EIF2D: variants seen among roughly 807,000 people sequenced by gnomAD.
EIF2D encodes the protein eukaryotic translation initiation factor 2D.
A neutral mutation model predicts 77.4 loss-of-function variants in EIF2D; 56 were observed. The observed-to-expected ratio is 0.72, with a 90% CI of 0.58 to 0.90. The LOEUF is 0.90. Ranked by LOEUF, EIF2D falls within the 40% of genes least tolerant of loss-of-function variation. The pLI is 0.00. For synonymous variants in EIF2D, 230 were observed against 271.0 expected, an observed-to-expected ratio of 0.85 and a Z score of 1.49; for missense variants, 574 against 706.5, an observed-to-expected ratio of 0.81 and a Z score of 2.13.
chr1:206,607,547 C>A (rs1164839562), intron 4 of EIF2D, among the ~76,000 whole-genome samples: 2 of 152,112 alleles, frequency 1.3e-5, no homozygotes, highest in African/African-American at 4.8e-5. Flanking sequence ...TCGCTTGAAG[C>A]CAACAATCTG....
intron 4 of EIF2D, among the ~76,000 whole-genome samples, chr1:206,607,478 G>A (rs1670254372): frequency 6.6e-6 from 1 of 152,196 alleles, no homozygotes; most frequent in Non-Finnish European, 1.5e-5. Context: ...AGCATTGGAG[G>A]CTAGACGTAG....
At position 206,591,775 on chromosome 1, in the gene EIF2D, T is replaced by C. The variant is rs1553408985; in HGVS notation, c.1755A>G (p.Ter585TrpextTer19). 6.2e-7 allele frequency: 1 copy of C among 1,614,154 alleles called. No homozygotes were observed. Among genetic ancestry groups the C allele is most frequent in the Non-Finnish European group, 8.5e-7 (1 of 1,179,958 alleles). The change falls in exon 15 of 15, where the codon TGA becomes TGG. Residue 585 changes from the stop codon to tryptophan (W), a stop_lost. Coordinates refer to ENST00000271764, the MANE Select transcript of EIF2D (RefSeq NM_006893.3). ...CCACCACGTGAGACAAAAGAGTCTG[T>C]CACTTCTTCTTGCCAGGTTTGAGGG... ...EKALKPGKKK[*>W]
At chr1:206,597,415 T>G (rs782048813) in intron 11 of EIF2D, among the ~76,000 whole-genome samples, 1 of 152,164 alleles carries the variant, frequency 6.6e-6, no homozygotes, top group Non-Finnish European at 1.5e-5. Context: ...TGGGATAAAT[T>G]TGAAGATCAG....
chr1:206,606,727 C>T (rs1670219303), intron 4 of EIF2D, among the ~76,000 whole-genome samples: 1 of 152,272 alleles, frequency 6.6e-6, no homozygotes, highest in South Asian at 2.1e-4. Context: ...ATCGCTCTTT[C>T]CTTCTCTCTC....
Position 206,584,609 on chromosome 1 carries a change from C to T in EIF2D, c.139-3447G>A, listed in dbSNP as rs782460902. 1 of 1,614,126 alleles carries T rather than the reference C, an allele frequency of 6.2e-7. No individual in the cohort carries two copies. The highest frequency in any genetic ancestry group is 1.3e-5 in the African/African-American group (1 of 74,936). On this transcript the variant is annotated intron_variant and NMD_transcript_variant, in intron 2 of 5. Coordinates refer to the EIF2D transcript ENST00000472709. This position sits in a 1 kb window ranked among gnomAD's most constrained non-coding sequence, Gnocchi z 4.9. Reference sequence around the variant, plus strand: ...CACCGTCAGTGAGGTCATCCAGGGGCTGCTCAAGAAGTTCATGGTTGTGGA... The same window carrying T: ...CACCGTCAGTGAGGTCATCCAGGGGTTGCTCAAGAAGTTCATGGTTGTGGA...
At position 206,583,663 on chromosome 1, in the gene EIF2D, C is replaced by G. The variant is rs1024358773; in HGVS notation, c.139-2501G>C. Reference sequence around the variant, plus strand: ...GTGTAAACTAAGTGATTAAACGGTACGTAATGACCAAGGGCCCAGTATTGC... The same window carrying G: ...GTGTAAACTAAGTGATTAAACGGTAGGTAATGACCAAGGGCCCAGTATTGC... On this transcript the variant is annotated intron_variant and NMD_transcript_variant, in intron 2 of 5. Coordinates refer to the EIF2D transcript ENST00000472709. The G allele has an allele frequency of 2.8e-5, 11 of 393,174 alleles. No individual in the cohort carries two copies. The East Asian group carries it at 3.9e-4, about 14-fold the overall frequency. The allele number at this position is 393,174 out of a possible 1,614,324, so 24.4% of individuals were successfully genotyped here. A position where few individuals can be genotyped will look rare whatever the true frequency, so the allele number is the denominator to read the frequency against.
Position 206,599,189 on chromosome 1 carries a change from C to T in EIF2D, c.1203-97G>A. 1 of 1,215,576 alleles carries T rather than the reference C, an allele frequency of 8.2e-7. No individual in the cohort carries two copies. Among genetic ancestry groups the T allele is most frequent in the South Asian group, 1.3e-5 (1 of 74,554 alleles). 75.3% of individuals were successfully genotyped at this position (1,215,576 alleles called of 1,614,324 possible). Reference sequence around the variant, plus strand: ...CACTCCCTGCTGAGCAGGGAACTTTCCTTAGCTTTCGGCCTCTAGTTTCTT... The same window carrying T: ...CACTCCCTGCTGAGCAGGGAACTTTTCTTAGCTTTCGGCCTCTAGTTTCTT... On this transcript the variant is annotated intron_variant, in intron 10 of 14. Transcript: ENST00000271764. This position sits in a 1 kb window ranked among gnomAD's most constrained non-coding sequence, Gnocchi z 4.1.
chr1:206,585,482 C>T, intron 2 of EIF2D: 1 of 540,414 alleles, frequency 1.9e-6, no homozygotes, highest in Non-Finnish European at 3.4e-6. Flanking sequence ...CTCTGAACAC[C>T]CTGGGGTAGC....
intron 3 of EIF2D, among the ~76,000 whole-genome samples, chr1:206,608,980 AG>A (rs1670333396): frequency 1.3e-5 from 2 of 152,070 alleles, no homozygotes; most frequent in Non-Finnish European, 2.9e-5. Flanking sequence ...TGAACCTGGG[AG>A]GCAGAGGTTG....
intron 13 of EIF2D, chr1:206,594,065 G>C: frequency 3.8e-6 from 1 of 261,296 alleles, no homozygotes. Context: ...GTTTTATTTG[G>C]AGAATTCAAA....
chr1:206,570,707 C>G (rs978799228), downstream of EIF2D, among the ~76,000 whole-genome samples: 2 of 152,068 alleles, frequency 1.3e-5, no homozygotes, highest in East Asian at 3.9e-4. Flanking sequence ...CAAGGTTCAT[C>G]CACGTGATAG....
intron 12 of EIF2D, among the ~76,000 whole-genome samples, 166 bp downstream of exon 12, chr1:206,596,934 A>AC (rs11284613): frequency 0.46 from 70,413 of 151,832 alleles, 16,439 homozygotes; most frequent in South Asian, 0.54. Context: ...TGTTCCAAAG[A>AC]CCCCCCAAAT....
rs1553411038 is a variant in EIF2D, at chr1:206,600,293, T to A, written c.918A>T (p.Gln306His). The change falls in exon 8 of 15, where the codon CAA becomes CAT. Residue 306 changes from glutamine (Q) to histidine (H), a missense_variant. Physicochemically the swap from Gln to His is conservative, Grantham distance 24. Coordinates refer to ENST00000271764, the MANE Select transcript of EIF2D (RefSeq NM_006893.3). Reference sequence around the variant, plus strand: ...TGTAGCTTGACTTCTTTATGTCCAGTTGTCGTCCTTCGGGGCTGATGGCAG... The same window carrying A: ...TGTAGCTTGACTTCTTTATGTCCAGATGTCGTCCTTCGGGGCTGATGGCAG... ...HMFSCCPEGRQLDIKKSSYKK... is the reference protein window; with the variant it reads ...HMFSCCPEGRHLDIKKSSYKK... The A allele has an allele frequency of 1.2e-6, 2 of 1,614,028 alleles. No homozygotes were observed. Among genetic ancestry groups the A allele is most frequent in the East Asian group, 4.5e-5 (2 of 44,900 alleles).
chr1:206,595,474 T>C lies in EIF2D; in HGVS notation c.1509+244A>G, dbSNP rs1669600643. The C allele has an allele frequency of 2.8e-5, 9 of 326,620 alleles. 1 individual carries two copies. The South Asian group carries it at 3.9e-4, about 14-fold the overall frequency. The allele number at this position is 326,620 out of a possible 1,614,324, so 20.2% of individuals were successfully genotyped here. On this transcript the variant is annotated intron_variant, in intron 13 of 14. Coordinates refer to ENST00000271764, the MANE Select transcript of EIF2D (RefSeq NM_006893.3). ...GAAAAAAATGAAAATACAATCTTGTTTACTTTTGGAACCAGGCTCTAGCAA... is the reference window on the plus strand; with the variant it reads ...GAAAAAAATGAAAATACAATCTTGTCTACTTTTGGAACCAGGCTCTAGCAA...
chr1:206,582,251 CA>C (rs1379774017), intron 2 of EIF2D, among the ~76,000 whole-genome samples: 2 of 152,176 alleles, frequency 1.3e-5, no homozygotes, highest in Non-Finnish European at 2.9e-5. Flanking sequence ...AGGTGAGGGC[CA>C]TTGACCTCAA....
chr1:206,608,397 C>T (rs1572413424), intron 3 of EIF2D, 71 bp from the exon 4 acceptor site: 1 of 1,282,188 alleles, frequency 7.8e-7, no homozygotes, highest in East Asian at 2.6e-5. Context: ...TTCATCATTT[C>T]CTCACTCGCT....
chr1:206,599,367 G>A lies in EIF2D; in HGVS notation c.1202+96C>T. ...AGAAGGGGAGAACAGGGGCAGAGCA[G>A]GTTTTGCCAGTCGCAAAAGAGCACT... On this transcript the variant is annotated intron_variant, in intron 10 of 14. Transcript: ENST00000271764. This position sits in a 1 kb window ranked among gnomAD's most constrained non-coding sequence, Gnocchi z 4.1. 2 of 1,484,760 alleles carry A rather than the reference G, an allele frequency of 1.3e-6. No homozygotes were observed. The highest frequency in any genetic ancestry group is 2.5e-5 in the South Asian group (2 of 80,102). 92.0% of individuals were successfully genotyped at this position (1,484,760 alleles called of 1,614,324 possible).
At chr1:206,580,507 C>T (rs1553406072) in intron 4 of EIF2D, among the ~76,000 whole-genome samples, 1 of 152,160 alleles carries the variant, frequency 6.6e-6, no homozygotes, top group African/African-American at 2.4e-5. Context: ...GGGGTAGGGC[C>T]AGGGTCAGGC....
At chr1:206,583,625 C>T in intron 2 of EIF2D, 1 of 481,078 alleles carries the variant, frequency 2.1e-6, no homozygotes, top group Non-Finnish European at 3.8e-6. Context: ...TTTAACTCCT[C>T]CTCTGAGCTT....
Sources: allele counts gnomAD v4.1 joint callset (sites outside exome capture counted in the v4.1 genomes callset), GRCh38; gene constraint gnomAD v4.1.1; non-coding constraint Gnocchi (gnomAD v3.1); transcripts MANE v1.5; gene names NCBI Gene and HGNC (gene_info 2026-07-23, HGNC 2026-07-21).